The following SLC25A13 variants were observed in gnomAD, a reference collection of about 807,000 sequenced individuals.
The protein encoded by SLC25A13 is solute carrier family 25 member 13.
SLC25A13 carries 70 observed loss-of-function variants against 85.5 expected under a neutral mutation model. The observed-to-expected ratio is 0.82, with a 90% CI of 0.68 to 1.00. SLC25A13 has a LOEUF of 1.00. SLC25A13 is among the 50% of genes least tolerant of loss of function. SLC25A13 has a pLI of 0.00. For synonymous variants in SLC25A13, 259 were observed against 288.7 expected (o/e 0.90, Z 1.04); for missense variants, 765 against 819.8 (o/e 0.93, Z 0.82).
intron 9 of SLC25A13, among the ~76,000 whole-genome samples, chr7:96,186,568 A>C (rs1444882183): frequency 1.3e-5 from 2 of 152,190 alleles, no homozygotes; most frequent in African/African-American, 4.8e-5. Flanking sequence ...AAAGAACAAA[A>C]ATTTGGGAAA....
intron 2 of SLC25A13, among the ~76,000 whole-genome samples, chr7:96,282,977 T>C (rs1479653355): frequency 6.6e-6 from 1 of 152,198 alleles, no homozygotes; most frequent in Non-Finnish European, 1.5e-5. Context: ...TCTGAGTTGA[T>C]ATAATGTAGG....
chr7:96,252,325 AAAG>A (rs1401364505), intron 3 of SLC25A13, among the ~76,000 whole-genome samples: 1 of 152,204 alleles, frequency 6.6e-6, no homozygotes, highest in African/African-American at 2.4e-5. Context: ...GTGTGAAAGA[AAAG>A]AAGGAAGCAA....
intron 2 of SLC25A13, among the ~76,000 whole-genome samples, chr7:96,280,177 G>C (rs1798616514): frequency 6.6e-6 from 1 of 152,208 alleles, no homozygotes; most frequent in Middle Eastern, 3.4e-3. Context: ...GTTCTGTTAG[G>C]ACAGAATTTT....
rs182480531 is a variant in SLC25A13 at position 96,251,174 on chromosome 7, T to C, written c.213-16257A>G. On this transcript the variant is annotated intron_variant, in intron 3 of 17. Transcript: ENST00000265631. The stretch of plus-strand genomic sequence containing the variant: ...CAGAAGGAAGAGGAAGTACAAGGCC[T>C]CTAGGTGGGACCAAGCACGGCAAGC... Among the ~76,000 whole-genome samples, 630 of 152,240 alleles carry C rather than the reference T, an allele frequency of 4.1e-3. 1 individual carries two copies. Among genetic ancestry groups the C allele is most frequent in the Non-Finnish European group, 6.9e-3 (466 of 68,018 alleles).
intron 11 of SLC25A13, among the ~76,000 whole-genome samples, chr7:96,174,297 C>A: frequency 6.6e-6 from 1 of 152,140 alleles, no homozygotes. Context: ...TTTAAATGAG[C>A]TGAGGCAGCA....
At chr7:96,291,460 A>C (rs1322488526) in intron 2 of SLC25A13, among the ~76,000 whole-genome samples, 2 of 152,204 alleles carry the variant, frequency 1.3e-5, no homozygotes, top group Admixed American at 1.3e-4. Context: ...GAGACACAAA[A>C]AACCCTTCCA....
chr7:96,277,479 A>C, intron 2 of SLC25A13, 141 bp from the exon 3 acceptor site: 2 of 776,692 alleles, frequency 2.6e-6, no homozygotes, highest in Non-Finnish European at 4.0e-6. Flanking sequence ...AATGACCATT[A>C]TCTCCCAACA....
rs772971102 is a variant in SLC25A13 at position 96,277,227 on chromosome 7, A to G, written c.181T>C (p.Leu61=). ...SQPNPKTVEL[L]SGVVDQTKDG... ...TTGGTCTGATCCACCACTCCACTTA[A>G]AAGTTCCACAGTCTTTGGATTAGGC... is the stretch of plus-strand genomic sequence containing the variant. Residue 61 remains leucine, a synonymous_variant, in exon 3 of 18, where the codon TTA becomes CTA. Transcript: ENST00000265631. The G allele has an allele frequency of 6.2e-7, 1 of 1,605,722 alleles. No homozygotes were observed. The highest frequency in any genetic ancestry group is 8.5e-7 in the Non-Finnish European group (1 of 1,175,636).
intron 1 of SLC25A13, among the ~76,000 whole-genome samples, chr7:96,305,812 G>A (rs1480709532): frequency 6.6e-6 from 1 of 152,142 alleles, no homozygotes. Context: ...TAAAGAAGTT[G>A]CTTCCATTAA....
intron 1 of SLC25A13, among the ~76,000 whole-genome samples, chr7:96,318,699 A>C (rs1800219741): frequency 6.6e-6 from 1 of 152,258 alleles, no homozygotes; most frequent in Admixed American, 6.5e-5. Context: ...GCTGTATTTA[A>C]ATAAGTATAA....
intron 11 of SLC25A13, among the ~76,000 whole-genome samples, chr7:96,184,016 C>T (rs897444161): frequency 1.3e-5 from 2 of 151,928 alleles, no homozygotes; most frequent in African/African-American, 4.8e-5. Flanking sequence ...CAAAAATTCA[C>T]GGAAGATGCT....
chr7:96,318,443 G>A (rs1336872839), intron 1 of SLC25A13, among the ~76,000 whole-genome samples: 1 of 152,104 alleles, frequency 6.6e-6, no homozygotes, highest in East Asian at 1.9e-4. Context: ...AACAGTACAG[G>A]CAGATCTAAC....
intron 4 of SLC25A13, among the ~76,000 whole-genome samples, chr7:96,227,251 T>C (rs1393233611): frequency 6.6e-6 from 1 of 152,204 alleles, no homozygotes; most frequent in East Asian, 1.9e-4. Flanking sequence ...GTAGTGTTCA[T>C]CAACTCAAAA....
intron 2 of SLC25A13, among the ~76,000 whole-genome samples, chr7:96,281,185 G>A (rs990572395): frequency 4.6e-5 from 7 of 152,018 alleles, no homozygotes; most frequent in Non-Finnish European, 8.8e-5. Context: ...AAGGTCAGGC[G>A]CTTGAGACCA....
chr7:96,279,239 A>G (rs948003062), intron 2 of SLC25A13, among the ~76,000 whole-genome samples: 2 of 151,900 alleles, frequency 1.3e-5, no homozygotes, highest in Admixed American at 6.6e-5. Context: ...TGTTGCAAAT[A>G]TTTTTCCAGT....
Position 96,189,909 on chromosome 7 carries a change from G to C in SLC25A13, c.755-235C>G, listed in dbSNP as rs60933269. Among the ~76,000 whole-genome samples, 1,591 of 152,232 alleles carry C rather than the reference G, an allele frequency of 0.01. 26 individuals carry two copies. The highest frequency in any genetic ancestry group is 0.037 in the African/African-American group (1,521 of 41,522). The stretch of plus-strand genomic sequence containing the variant: ...GTTTAAAAGCTTGGGGTCATCTGAT[G>C]TTATTCAAATTGCCAATCAGAGAAA... On this transcript the variant is annotated intron_variant, in intron 7 of 17. Coordinates refer to ENST00000265631, the MANE Select transcript of SLC25A13 (RefSeq NM_014251.3).
rs1797110260 is a variant in SLC25A13 at position 96,244,478 on chromosome 7, G to A, written c.213-9561C>T. ...ATCTTCTAAAAACCATCAGGAATAAGGTGGACAGAAGCTGAGTCCTATAGG... is the reference window on the plus strand; with the variant it reads ...ATCTTCTAAAAACCATCAGGAATAAAGTGGACAGAAGCTGAGTCCTATAGG... On this transcript the variant is annotated intron_variant, in intron 3 of 17. Transcript: ENST00000265631. Among the ~76,000 whole-genome samples, 4 of 152,190 alleles carry A rather than the reference G, an allele frequency of 2.6e-5. No homozygotes were observed. In the South Asian group the frequency reaches 8.3e-4, roughly 32 times the overall value.
At chr7:96,190,600 GTTTA>G (rs201370685) in intron 7 of SLC25A13, among the ~76,000 whole-genome samples, 39 of 151,798 alleles carry the variant, frequency 2.6e-4, no homozygotes, top group African/African-American at 6.8e-4. Flanking sequence ...GGTGTCTTCA[GTTTA>G]TTTATTTATT....
intron 2 of SLC25A13, among the ~76,000 whole-genome samples, chr7:96,289,140 C>T (rs1486236848): frequency 6.6e-6 from 1 of 152,218 alleles, no homozygotes; most frequent in African/African-American, 2.4e-5. Context: ...GATACCCAGG[C>T]AAACAGGGTC....
Sources: gnomAD v4.1 joint callset for allele counts (sites outside exome capture counted in the v4.1 genomes callset) on GRCh38, gnomAD v4.1.1 for gene constraint, MANE v1.5 for transcripts, NCBI Gene and HGNC (gene_info 2026-07-23, HGNC 2026-07-21) for gene names.